Variants in DNAH3 observed in about 807,000 individuals in gnomAD.
DNAH3 encodes the protein axonemal beta dynein heavy chain 3.
In DNAH3, 332 loss-of-function variants were observed where a neutral mutation model predicts 432.5. The ratio of observed to expected loss-of-function variants is 0.77; its 90% CI spans 0.70 to 0.84. The LOEUF (loss-of-function observed/expected upper bound fraction) is 0.84, where lower values mean the gene tolerates loss of function less well. DNAH3 is among the 40% of genes least tolerant of loss of function. The pLI, the probability that DNAH3 is intolerant of heterozygous loss-of-function variation, is 0.00. For synonymous variants in DNAH3, 1,956 were observed against 1,900.2 expected (o/e 1.03, Z -0.76); for missense variants, 4,861 against 5,114.0 (o/e 0.95, Z 1.51).
At chr16:21,147,806 G>A (rs879670893) in intron 1 of DNAH3, among the ~76,000 whole-genome samples, 6 of 152,192 alleles carry the variant, frequency 3.9e-5, no homozygotes, top group Non-Finnish European at 7.3e-5. Flanking sequence ...ATTATTGAAT[G>A]AAATCACATG....
chr16:20,979,566 G>A lies in DNAH3; in HGVS notation c.7860-20C>T, dbSNP rs975009535. The A allele has an allele frequency of 1.1e-5, 18 of 1,610,614 alleles. No homozygotes were observed. The highest frequency in any genetic ancestry group is 1.7e-5 in the Admixed American group (1 of 59,964). Reference sequence around the variant, plus strand: ...ACGACCCTGCCGAGGACACCAAGGCGGTTAGGCAGGACCCAACATCTTCCA... The same window carrying A: ...ACGACCCTGCCGAGGACACCAAGGCAGTTAGGCAGGACCCAACATCTTCCA... On this transcript the variant is annotated intron_variant, in intron 49 of 61. Transcript: ENST00000261383.
rs2092348796 is a variant in DNAH3 at position 21,121,810 on chromosome 16, T to C, written c.1584+135A>G. ...TCATTTGTCTGGGGTCAAGGGGTTA[T>C]ATTCAGGATATATCTCCAAAGTGAA... On this transcript the variant is annotated intron_variant, in intron 10 of 61. Coordinates refer to ENST00000261383, the Ensembl canonical transcript of DNAH3. 3 of 606,494 alleles carry C rather than the reference T, an allele frequency of 4.9e-6. No individual in the cohort carries two copies. The African/African-American group carries it at 5.6e-5, about 11-fold the overall frequency. The allele number at this position is 606,494 out of a possible 1,614,324, so 37.6% of individuals were successfully genotyped here. A position where few individuals can be genotyped will look rare whatever the true frequency, so the allele number is the denominator to read the frequency against.
chr16:21,038,075 C>A, intron 33 of DNAH3, 95 bp from the exon 34 acceptor site: 1 of 1,014,264 alleles, frequency 9.9e-7, no homozygotes. Flanking sequence ...CCGTCAGCAA[C>A]CAGGCATGCC....
At chr16:20,955,964 T>C (rs2084545539) in intron 54 of DNAH3, among the ~76,000 whole-genome samples, 1 of 152,098 alleles carries the variant, frequency 6.6e-6, no homozygotes, top group Admixed American at 6.6e-5. Flanking sequence ...GGTCTCACTC[T>C]GTCACCCAGG....
At chr16:21,087,882 AGT>A (rs2091427161) in intron 18 of DNAH3, among the ~76,000 whole-genome samples, 1 of 152,192 alleles carries the variant, frequency 6.6e-6, no homozygotes, top group Non-Finnish European at 1.5e-5. Flanking sequence ...TGGACAACAG[AGT>A]GAGACTCTGT....
intron 3 of DNAH3, among the ~76,000 whole-genome samples, chr16:21,144,250 G>A (rs749585714): frequency 1.3e-5 from 2 of 152,074 alleles, no homozygotes; most frequent in Non-Finnish European, 2.9e-5. Context: ...CTAACAAATA[G>A]AATGTGGCAA....
chr16:20,935,998 C>T (rs2152564586), intron 60 of DNAH3, among the ~76,000 whole-genome samples: 1 of 152,234 alleles, frequency 6.6e-6, no homozygotes, highest in South Asian at 2.1e-4. Context: ...AACGCAGGTG[C>T]ATTGTTTCAG....
At chr16:20,957,712 C>T (rs975402634) in intron 54 of DNAH3, among the ~76,000 whole-genome samples, 40 of 148,330 alleles carry the variant, frequency 2.7e-4, no homozygotes, top group African/African-American at 9.9e-4. Flanking sequence ...GAGGCCGAGG[C>T]AGGAGAATCG....
chr16:21,016,361 A>T (rs929703199), intron 41 of DNAH3, among the ~76,000 whole-genome samples: 1 of 152,256 alleles, frequency 6.6e-6, no homozygotes, highest in African/African-American at 2.4e-5. Context: ...TACATGCATA[A>T]GAAAATGTCC....
In DNAH3 at chr16:21,038,046, C is replaced by T. The variant is rs1266206701; in HGVS notation, c.4731-66G>A. 6.9e-6 allele frequency: 10 copies of T among 1,442,992 alleles called. No individual in the cohort carries two copies. In the Admixed American group the frequency reaches 1.6e-4, roughly 23 times the overall value. 89.4% of individuals were successfully genotyped at this position (1,442,992 alleles called of 1,614,324 possible). On this transcript the variant is annotated intron_variant, in intron 33 of 61. Coordinates refer to ENST00000261383, the Ensembl canonical transcript of DNAH3. ...CTACGTCCTGCCCAGCAGACATTCC[C>T]AATATCCTTGTCCTTGCCCCGTCAG...
At chr16:20,975,340 T>C (rs1280683628) in exon 51 of DNAH3, 5 of 1,614,200 alleles carry the variant, frequency 3.1e-6, no homozygotes, top group East Asian at 2.2e-5. Flanking sequence ...ATTTTCACCA[T>C]CATCTTGGCA....
chr16:21,101,931 A>G (rs1263393747), intron 16 of DNAH3, among the ~76,000 whole-genome samples: 1 of 152,234 alleles, frequency 6.6e-6, no homozygotes, highest in East Asian at 1.9e-4. Flanking sequence ...TGGGGTAGGA[A>G]CAGCAAATGG....
rs1567569349 is a variant in DNAH3, at chr16:20,979,388, G to GC, written c.8017dup (p.Ala2673GlyfsTer50). Reference sequence around the variant, plus strand: ...TGTCAGGTAGCGGTTCCTCATCATAGCCACCTCTTGCCTCTTGCTATTCAG... The same window carrying GC: ...TGTCAGGTAGCGGTTCCTCATCATAGCCCACCTCTTGCCTCTTGCTATTCAG... On this transcript the variant is annotated frameshift_variant, in exon 50 of 62. Coordinates refer to ENST00000261383, the Ensembl canonical transcript of DNAH3. LOFTEE classifies it high-confidence loss of function. 2 of 1,614,066 alleles carry GC rather than the reference G, an allele frequency of 1.2e-6. No individual in the cohort carries two copies. The highest frequency in any genetic ancestry group is 3.3e-5 in the Admixed American group (2 of 60,002).
At chr16:20,979,190 T>TAGGTA in intron 50 of DNAH3, 140 bp downstream of exon 50, 1 of 687,598 alleles carries the variant, frequency 1.5e-6, no homozygotes, top group East Asian at 2.7e-5. Flanking sequence ...TACAGTGATG[T>TAGGTA]AGGTAAGGTA....
At chr16:21,093,036 C>T (rs1363942651) in intron 18 of DNAH3, among the ~76,000 whole-genome samples, 1 of 152,014 alleles carries the variant, frequency 6.6e-6, no homozygotes, top group Non-Finnish European at 1.5e-5. Flanking sequence ...TAGTGAGACC[C>T]TCATCTCAAT....
intron 12 of DNAH3, among the ~76,000 whole-genome samples, chr16:21,114,610 C>CAAA (rs1567814456): frequency 6.6e-6 from 1 of 152,188 alleles, no homozygotes; most frequent in East Asian, 1.9e-4. Flanking sequence ...TCTCAAAAGA[C>CAAA]ATTTATGCAG....
chr16:21,134,590 T>G (rs2092616968), intron 6 of DNAH3, 136 bp from the exon 8 acceptor site: 1 of 686,996 alleles, frequency 1.5e-6, no homozygotes, highest in Non-Finnish European at 2.3e-6. Flanking sequence ...ACTCCTGGGC[T>G]CAAGTGATCC....
In DNAH3 at chr16:21,067,273, T is replaced by C; in HGVS notation, c.3518+10A>G. ...AATGTAATTCCAAATAAAAGAACAA[T>C]GCTGGATACCTGGGGAAGAATAGTC... On this transcript the variant is annotated intron_variant, in intron 24 of 61. Transcript: ENST00000261383. 3 of 1,613,770 alleles carry C rather than the reference T, an allele frequency of 1.9e-6. No individual in the cohort carries two copies. In the South Asian group the frequency reaches 3.3e-5, roughly 18 times the overall value.
chr16:20,948,527 C>A, exon 57 of DNAH3: 1 of 1,613,902 alleles, frequency 6.2e-7, no homozygotes. Flanking sequence ...TCTCCAGGAG[C>A]GAGGGAGTAA....
Sources: gnomAD v4.1 joint callset for allele counts (sites outside exome capture counted in the v4.1 genomes callset) on GRCh38, gnomAD v4.1.1 for gene constraint, MANE v1.5 for transcripts, NCBI Gene and HGNC (gene_info 2026-07-23, HGNC 2026-07-21) for gene names.